The following MLLT3 variants were observed in gnomAD, a reference collection of about 807,000 sequenced individuals.
MLLT3 encodes the protein MLLT3 super elongation complex subunit.
Under a neutral mutation model 53.2 loss-of-function variants are expected in MLLT3, and 4 were observed. That is an observed-to-expected ratio of 0.08 (90% CI 0.04 to 0.17). The LOEUF (loss-of-function observed/expected upper bound fraction) is 0.17. Ranked by LOEUF, MLLT3 falls within the 10% of genes least tolerant of loss-of-function variation. The pLI, the probability that MLLT3 is intolerant of heterozygous loss-of-function variation, is 1.00. For synonymous variants in MLLT3, 283 were observed against 230.6 expected, an observed-to-expected ratio of 1.23 and a Z score of -2.06; for missense variants, 569 against 684.0, an observed-to-expected ratio of 0.83 and a Z score of 1.87.
At chr9:20,350,439 C>CAAA (rs532825702) in intron 10 of MLLT3, among the ~76,000 whole-genome samples, 475 of 151,676 alleles carry the variant, frequency 3.1e-3, no homozygotes, top group Admixed American at 5.0e-3. Flanking sequence ...ACTAAAAATA[C>CAAA]AAAAAATTAG....
intron 2 of MLLT3, among the ~76,000 whole-genome samples, chr9:20,486,936 C>T (rs764481296): frequency 1.3e-5 from 2 of 152,094 alleles, no homozygotes; most frequent in African/African-American, 4.8e-5. Context: ...AAATGAAAAC[C>T]CACACTCATG....
chr9:20,375,207 A>T (rs1821728124), intron 5 of MLLT3, among the ~76,000 whole-genome samples: 1 of 152,232 alleles, frequency 6.6e-6, no homozygotes, highest in Non-Finnish European at 1.5e-5. Context: ...TATTTTTCAG[A>T]TGATAAAACT....
intron 4 of MLLT3, among the ~76,000 whole-genome samples, chr9:20,439,123 G>A (rs1823480273): frequency 6.6e-6 from 1 of 152,138 alleles, no homozygotes; most frequent in African/African-American, 2.4e-5. Flanking sequence ...CGGAGCTGAG[G>A]TGGGCAGATC....
chr9:20,411,195 G>T (rs1586928833), intron 5 of MLLT3: 1 of 152,538 alleles, frequency 6.6e-6, no homozygotes, highest in Non-Finnish European at 1.5e-5. Flanking sequence ...GTCCATAGCA[G>T]TCCATAGCTT....
intron 5 of MLLT3, among the ~76,000 whole-genome samples, chr9:20,402,038 G>T (rs1035062347): frequency 2.0e-5 from 3 of 152,152 alleles, no homozygotes; most frequent in Non-Finnish European, 4.4e-5. Flanking sequence ...CTATATAATA[G>T]AAAAGGAGAA....
At chr9:20,501,200 T>C (rs940969557) in intron 2 of MLLT3, among the ~76,000 whole-genome samples, 2 of 152,340 alleles carry the variant, frequency 1.3e-5, no homozygotes, top group East Asian at 1.9e-4. Flanking sequence ...ATACCATTTC[T>C]AGGACACCTC....
chr9:20,392,808 T>C (rs926318438), intron 5 of MLLT3, among the ~76,000 whole-genome samples: 4 of 152,198 alleles, frequency 2.6e-5, no homozygotes, highest in African/African-American at 9.6e-5. Flanking sequence ...TTTAAATGCA[T>C]TTGTAGAGTG....
chr9:20,419,164 T>C (rs1309219567), intron 4 of MLLT3, among the ~76,000 whole-genome samples: 1 of 152,108 alleles, frequency 6.6e-6, no homozygotes. Flanking sequence ...GAGAATCAAG[T>C]GAAGTATAAA....
intron 2 of MLLT3, among the ~76,000 whole-genome samples, chr9:20,520,602 T>C (rs1563798840): frequency 6.6e-6 from 1 of 152,040 alleles, no homozygotes; most frequent in Non-Finnish European, 1.5e-5. Context: ...CTAATATGAA[T>C]AACACCGCAA....
intron 2 of MLLT3, among the ~76,000 whole-genome samples, chr9:20,577,658 C>T (rs1291679457): frequency 6.6e-6 from 1 of 152,208 alleles, no homozygotes; most frequent in African/African-American, 2.4e-5. Flanking sequence ...AGAAGACAGA[C>T]TTCTGCCAGA....
chr9:20,342,546 T>G lies in MLLT3; in HGVS notation c.*3897A>C, dbSNP rs1218557576. ...TATTTTCAGAATACTGGAGTACAAG[T>G]GCCAAAATACACATTTACAGTTTAC... On this transcript the variant is annotated 3_prime_UTR_variant, in exon 11 of 11. Coordinates refer to ENST00000380338, the MANE Select transcript of MLLT3 (RefSeq NM_004529.4). 9.0e-6 allele frequency: 2 copies of G among 221,554 alleles called. No homozygotes were observed. Among genetic ancestry groups the G allele is most frequent in the African/African-American group, 4.5e-5 (2 of 44,650 alleles). 13.7% of individuals were successfully genotyped at this position (221,554 alleles called of 1,614,324 possible).
chr9:20,540,762 T>C (rs1818610100), intron 2 of MLLT3, among the ~76,000 whole-genome samples: 1 of 152,242 alleles, frequency 6.6e-6, no homozygotes, highest in Admixed American at 6.5e-5. Flanking sequence ...GTCTTGGCTA[T>C]TAACATTTCA....
At chr9:20,379,479 C>T (rs1821855311) in intron 5 of MLLT3, among the ~76,000 whole-genome samples, 1 of 151,956 alleles carries the variant, frequency 6.6e-6, no homozygotes. Context: ...TTCTCTAGCC[C>T]TAAAAACAAA....
intron 2 of MLLT3, among the ~76,000 whole-genome samples, chr9:20,595,281 C>T (rs893375159): frequency 3.9e-5 from 6 of 152,070 alleles, no homozygotes; most frequent in African/African-American, 1.2e-4. Context: ...ACAGGAGGAT[C>T]GCTTGATCCC....
At chr9:20,387,682 T>A (rs572324961) in intron 5 of MLLT3, among the ~76,000 whole-genome samples, 22 of 152,230 alleles carry the variant, frequency 1.4e-4, no homozygotes, top group Non-Finnish European at 1.8e-4. Flanking sequence ...TTGTTGAATG[T>A]ATACAAATGA....
At chr9:20,572,817 G>A (rs1168562203) in intron 2 of MLLT3, among the ~76,000 whole-genome samples, 1 of 152,034 alleles carries the variant, frequency 6.6e-6, no homozygotes, top group African/African-American at 2.4e-5. Context: ...ATATAAATAA[G>A]TAAACAGTAA....
At chr9:20,387,476 G>A (rs552295725) in intron 5 of MLLT3, among the ~76,000 whole-genome samples, 32 of 152,250 alleles carry the variant, frequency 2.1e-4, no homozygotes, top group African/African-American at 7.2e-4. Flanking sequence ...TTTTGCGGTC[G>A]TGGAGGGGAA....
At chr9:20,509,274 CTTTT>C (rs924517488) in intron 2 of MLLT3, among the ~76,000 whole-genome samples, 1 of 151,842 alleles carries the variant, frequency 6.6e-6, no homozygotes, top group Admixed American at 6.6e-5. Context: ...TGGTGGATTC[CTTTT>C]TTTTAAGTAT....
At chr9:20,373,713 T>G (rs894640130) in intron 5 of MLLT3, among the ~76,000 whole-genome samples, 1 of 152,190 alleles carries the variant, frequency 6.6e-6, no homozygotes, top group Non-Finnish European at 1.5e-5. Context: ...ATTAGTTACA[T>G]TACGAAAATG....
Sources: gnomAD v4.1 joint callset for allele counts (sites outside exome capture counted in the v4.1 genomes callset) on GRCh38, gnomAD v4.1.1 for gene constraint, MANE v1.5 for transcripts, NCBI Gene and HGNC (gene_info 2026-07-23, HGNC 2026-07-21) for gene names.